The following MTMR3 variants were observed in gnomAD, a reference collection of about 807,000 sequenced individuals.
MTMR3 encodes phosphatidylinositol-3,5-bisphosphate 3-phosphatase MTMR3.
Under a neutral mutation model 132.4 loss-of-function variants are expected in MTMR3, and 32 were observed. The observed-to-expected ratio is 0.24, with a 90% confidence interval of 0.18 to 0.32. The LOEUF is 0.32. Ranked by LOEUF, MTMR3 falls within the 10% of genes least tolerant of loss-of-function variation. The pLI is 1.00. For synonymous variants in MTMR3, 556 were observed against 550.3 expected, an observed-to-expected ratio of 1.01 and a Z score of -0.14; for missense variants, 1,216 against 1,489.6, an observed-to-expected ratio of 0.82 and a Z score of 3.02.
intron 2 of MTMR3, among the ~76,000 whole-genome samples, chr22:29,966,981 A>G (rs149636261): frequency 5.0e-4 from 76 of 152,224 alleles, no homozygotes; most frequent in African/African-American, 1.6e-3. Flanking sequence ...ATGATGTTTC[A>G]GAATCAAATT....
chr22:29,959,540 G>T (rs1439162567), intron 2 of MTMR3, among the ~76,000 whole-genome samples: 1 of 151,860 alleles, frequency 6.6e-6, no homozygotes, highest in Non-Finnish European at 1.5e-5. Context: ...CACCACTCCT[G>T]GCTAATTTTT....
rs967319899 is a variant in MTMR3, at chr22:30,027,204, G to A, written c.*1403G>A. The A allele has an allele frequency of 2.6e-5, 4 of 152,892 alleles. No homozygotes were observed. Among genetic ancestry groups the A allele is most frequent in the Non-Finnish European group, 5.9e-5 (4 of 68,160 alleles). The allele number at this position is 152,892 out of a possible 1,614,324, so 9.5% of individuals were successfully genotyped here. ...TGGGGAGGCCATGCTTGACTCTGCT[G>A]AAAGCTGCTAACTGGTGACAGGGTG... On this transcript the variant is annotated 3_prime_UTR_variant, in exon 20 of 20. Transcript: ENST00000401950.
chr22:29,946,262 G>T (rs1187491907), intron 1 of MTMR3, among the ~76,000 whole-genome samples: 1 of 152,150 alleles, frequency 6.6e-6, no homozygotes. Context: ...TTAAGGAGCT[G>T]TGGTGGGGAG....
intron 1 of MTMR3, among the ~76,000 whole-genome samples, chr22:29,886,111 T>C (rs2145692939): frequency 6.6e-6 from 1 of 152,314 alleles, no homozygotes; most frequent in Admixed American, 6.5e-5. Flanking sequence ...TTTAATTAAG[T>C]GAATACTATT....
At chr22:29,923,642 A>G (rs774234519) in intron 1 of MTMR3, among the ~76,000 whole-genome samples, 2 of 152,202 alleles carry the variant, frequency 1.3e-5, no homozygotes, top group African/African-American at 4.8e-5. Flanking sequence ...AACAACAGAA[A>G]TAAGTCTGGC....
intron 1 of MTMR3, among the ~76,000 whole-genome samples, chr22:29,912,927 A>G (rs1187949841): frequency 6.6e-6 from 1 of 152,104 alleles, no homozygotes; most frequent in African/African-American, 2.4e-5. Flanking sequence ...TGAGTTAAAC[A>G]TAGTTCTGGA....
intron 3 of MTMR3, among the ~76,000 whole-genome samples, chr22:29,977,406 C>T (rs1345331795): frequency 6.6e-6 from 1 of 152,160 alleles, no homozygotes; most frequent in African/African-American, 2.4e-5. Flanking sequence ...CAAAATATTA[C>T]TTTTTAATAC....
At chr22:29,979,964 CATT>C (rs1215087501) in intron 5 of MTMR3, 1 of 152,208 alleles carries the variant, frequency 6.6e-6, no homozygotes, top group Non-Finnish European at 1.5e-5. Context: ...GCTCTGCTAT[CATT>C]AGCCTTAAAT....
rs9620939 is a variant in MTMR3 at position 30,026,598 on chromosome 22, A to G, written c.*797A>G. ...TGGGCCAGGCTGTGTAGCACTTCCC[A>G]CCCTCAGGCATGAGTACAGACTGGT... On this transcript the variant is annotated 3_prime_UTR_variant, in exon 20 of 20. Coordinates refer to ENST00000401950, the MANE Select transcript of MTMR3 (RefSeq NM_021090.4). 0.05 allele frequency: 7,599 copies of G among 152,722 alleles called. 621 individuals are homozygous for G. The highest frequency in any genetic ancestry group is 0.17 in the African/African-American group (7,122 of 41,508). The allele number at this position is 152,722 out of a possible 1,614,324, so 9.5% of individuals were successfully genotyped here. A position where few individuals can be genotyped will look rare whatever the true frequency, so the allele number is the denominator to read the frequency against.
At chr22:29,949,123 ACACACACACACACACACACACCC>A (rs1569019505) in intron 1 of MTMR3, among the ~76,000 whole-genome samples, 4 of 27,416 alleles carry the variant, frequency 1.5e-4, no homozygotes, top group African/African-American at 9.3e-4. Flanking sequence ...ACACACACAC[ACACACACACACACACACACACCC>A]CCCCCCCCCC....
At chr22:29,886,775 A>G (rs769372143) in intron 1 of MTMR3, among the ~76,000 whole-genome samples, 1 of 152,202 alleles carries the variant, frequency 6.6e-6, no homozygotes, top group Non-Finnish European at 1.5e-5. Flanking sequence ...TAGAAAGAAC[A>G]TGCTTATGCT....
chr22:29,928,419 G>A (rs1042549669), intron 1 of MTMR3, among the ~76,000 whole-genome samples: 4 of 152,024 alleles, frequency 2.6e-5, no homozygotes, highest in African/African-American at 9.6e-5. Context: ...TGATCCGCTG[G>A]CCTTGGTCTC....
At chr22:29,913,025 T>C (rs2065243696) in intron 1 of MTMR3, among the ~76,000 whole-genome samples, 1 of 152,122 alleles carries the variant, frequency 6.6e-6, no homozygotes, top group South Asian at 2.1e-4. Flanking sequence ...AGAGAATCAC[T>C]TGTGAGGCCT....
chr22:29,988,187 T>C, intron 5 of MTMR3: 1 of 211,630 alleles, frequency 4.7e-6, no homozygotes. Context: ...AGTACTCTGA[T>C]CTTGTGAATT....
Position 30,019,688 on chromosome 22 carries a change from G to A in MTMR3, c.2029G>A (p.Glu677Lys), listed in dbSNP as rs566777705. ...GCCCACCAGAGTGCCGGGGGGTGCC[G>A]AGCTTTCTGTTGCAGCCGGAGTAGC... ...GKPTRVPGGA[E>K]LSVAAGVAEG... Residue 677 changes from glutamate (E) to lysine (K), a missense_variant, in exon 17 of 20, where the codon GAG (glutamate) becomes AAG (lysine). Glu to Lys is a moderately conservative substitution (Grantham distance 56, BLOSUM62 1). This residue lies in a region of MTMR3 where 852 missense variants were observed against 852.0 expected (regional missense o/e 1.00). Coordinates refer to ENST00000401950, the MANE Select transcript of MTMR3 (RefSeq NM_021090.4). 17 of 1,614,182 alleles carry A rather than the reference G, an allele frequency of 1.1e-5. No homozygotes were observed. Among genetic ancestry groups the A allele is most frequent in the South Asian group, 5.5e-5 (5 of 91,076 alleles).
intron 1 of MTMR3, among the ~76,000 whole-genome samples, chr22:29,884,792 G>C (rs951355030): frequency 6.6e-6 from 1 of 152,128 alleles, no homozygotes; most frequent in African/African-American, 2.4e-5. Context: ...TGGAACTCTT[G>C]ACCTCAAGTG....
intron 6 of MTMR3, chr22:29,990,748 T>A (rs1051872663): frequency 6.6e-6 from 1 of 152,116 alleles, no homozygotes; most frequent in Non-Finnish European, 1.5e-5. Flanking sequence ...ACCTGGCTAA[T>A]ATTTTTGTAT....
chr22:29,966,875 T>C (rs1184272927), intron 2 of MTMR3, among the ~76,000 whole-genome samples: 1 of 151,990 alleles, frequency 6.6e-6, no homozygotes, highest in African/African-American at 2.4e-5. Context: ...CTCAAATTAT[T>C]TCATTTTTAG....
intron 1 of MTMR3, among the ~76,000 whole-genome samples, chr22:29,902,058 T>C (rs1274367395): frequency 1.3e-5 from 2 of 152,094 alleles, no homozygotes; most frequent in African/African-American, 4.8e-5. Flanking sequence ...TTTTTTATGG[T>C]TTAAAAAAAT....
Sources: gnomAD v4.1 joint callset for allele counts (sites outside exome capture counted in the v4.1 genomes callset) on GRCh38, gnomAD v4.1.1 for gene constraint, gnomAD v4.1.1 regional missense constraint, MANE v1.5 for transcripts, NCBI Gene and HGNC (gene_info 2026-07-23, HGNC 2026-07-21) for gene names.